Variants in HELZ observed in about 807,000 individuals in gnomAD.
HELZ encodes the protein ATP-dependent RNA helicase with zinc finger domain.
A neutral mutation model predicts 218.2 loss-of-function variants in HELZ; 23 were observed. The ratio of observed to expected loss-of-function variants is 0.11; its 90% CI spans 0.08 to 0.15. The LOEUF (loss-of-function observed/expected upper bound fraction) is 0.15, where lower values mean the gene tolerates loss of function less well. Among genes scored for constraint, HELZ ranks in the 10% least tolerant of loss-of-function variants. The pLI is 1.00. For missense variants in HELZ, 1,813 were observed against 2,353.7 expected (o/e 0.77, Z 4.75); for synonymous variants, 814 against 829.4 (o/e 0.98, Z 0.32).
At chr17:67,127,946 GA>G (rs928415129) in intron 24 of HELZ, among the ~76,000 whole-genome samples, 4 of 151,420 alleles carry the variant, frequency 2.6e-5, no homozygotes, top group Non-Finnish European at 5.9e-5. Flanking sequence ...AAATATCAAA[GA>G]AAAAAAACAG....
At chr17:67,160,428 C>T in intron 16 of HELZ, 66 bp from the exon 17 acceptor site, 2 of 1,107,374 alleles carry the variant, frequency 1.8e-6, no homozygotes, top group South Asian at 1.3e-5. Flanking sequence ...CAGTATAATA[C>T]CAAAAAAAAA....
rs1362802515 is a variant in HELZ, at chr17:67,107,149, GA to G, written c.5241+19del. On this transcript the variant is annotated intron_variant, in intron 31 of 32. Coordinates refer to ENST00000358691, the MANE Select transcript of HELZ (RefSeq NM_014877.4). ...TTTCACAATCAGCTAATAACAAAAG[GA>G]AAATAAGAAGACATTTACCTCTTCT... The G allele has an allele frequency of 1.3e-6, 2 of 1,573,166 alleles. No homozygotes were observed. Among genetic ancestry groups the G allele is most frequent in the Non-Finnish European group, 1.7e-6 (2 of 1,161,210 alleles).
At chr17:67,134,166 C>A (rs568351401) in intron 23 of HELZ, among the ~76,000 whole-genome samples, 1 of 152,226 alleles carries the variant, frequency 6.6e-6, no homozygotes, top group Non-Finnish European at 1.5e-5. Flanking sequence ...GGCAGATTAC[C>A]TGAGGTCCGG....
intron 3 of HELZ, among the ~76,000 whole-genome samples, chr17:67,226,919 T>C (rs1364064020): frequency 1.3e-5 from 2 of 152,182 alleles, no homozygotes; most frequent in Non-Finnish European, 2.9e-5. Flanking sequence ...ATTTATACAA[T>C]CTTATTCTCA....
At chr17:67,193,629 T>C (rs1015056217) in intron 9 of HELZ, among the ~76,000 whole-genome samples, 4 of 152,102 alleles carry the variant, frequency 2.6e-5, no homozygotes, top group African/African-American at 9.7e-5. Flanking sequence ...GGCAGGAGAA[T>C]CACTTAAAGC....
rs999886108 is a variant in HELZ at position 67,187,494 on chromosome 17, T to C, written c.1162+825A>G. Among the ~76,000 whole-genome samples, 6 of 152,352 alleles carry C rather than the reference T, an allele frequency of 3.9e-5. No individual in the cohort carries two copies. The South Asian group carries it at 8.3e-4, about 21-fold the overall frequency. Reference sequence around the variant, plus strand: ...GAGAAAAACTACTTCTAGGTTCTCATGAATGGGACATTATGGTACATAGTA... The same window carrying C: ...GAGAAAAACTACTTCTAGGTTCTCACGAATGGGACATTATGGTACATAGTA... On this transcript the variant is annotated intron_variant, in intron 12 of 32. Coordinates refer to ENST00000358691, the MANE Select transcript of HELZ (RefSeq NM_014877.4).
At chr17:67,104,894 G>A (rs140278103) in intron 31 of HELZ, among the ~76,000 whole-genome samples, 1,605 of 152,222 alleles carry the variant, frequency 0.011, 31 homozygotes, top group African/African-American at 0.036. Flanking sequence ...GGCTGGGGGC[G>A]GATCACCTGA....
chr17:67,134,195 C>A (rs934317951), intron 23 of HELZ, among the ~76,000 whole-genome samples: 3 of 152,096 alleles, frequency 2.0e-5, no homozygotes, highest in Non-Finnish European at 4.4e-5. Flanking sequence ...ACCAGCCTGA[C>A]CAACATGGAG....
At chr17:67,197,268 T>C (rs1372824587) in intron 7 of HELZ, among the ~76,000 whole-genome samples, 2 of 151,588 alleles carry the variant, frequency 1.3e-5, no homozygotes, top group African/African-American at 2.4e-5. Context: ...TCTGCCGCCA[T>C]GTGAGATGTA....
At chr17:67,149,413 T>C (rs1355541554) in intron 19 of HELZ, among the ~76,000 whole-genome samples, 1 of 152,144 alleles carries the variant, frequency 6.6e-6, no homozygotes, top group African/African-American at 2.4e-5. Context: ...TATTCAAATA[T>C]ATAAAATCAC....
chr17:67,196,055 T>C (rs1049403735), intron 7 of HELZ, among the ~76,000 whole-genome samples: 28 of 152,052 alleles, frequency 1.8e-4, no homozygotes, highest in African/African-American at 6.3e-4. Flanking sequence ...TTTCACCATG[T>C]TGGCCAGGCT....
intron 7 of HELZ, among the ~76,000 whole-genome samples, chr17:67,197,131 A>G (rs970592930): frequency 6.6e-6 from 1 of 152,192 alleles, no homozygotes; most frequent in Non-Finnish European, 1.5e-5. Flanking sequence ...GGAGGGACCC[A>G]GTGGGAGATA....
intron 32 of HELZ, among the ~76,000 whole-genome samples, chr17:67,086,401 A>G (rs2036373265): frequency 6.6e-6 from 1 of 151,510 alleles, no homozygotes; most frequent in Non-Finnish European, 1.5e-5. Flanking sequence ...CCTAGCCAAC[A>G]CGGTGAAACC....
Position 67,190,159 on chromosome 17 carries a change from C to T in HELZ, c.754G>A (p.Val252Met). The change falls in exon 10 of 33, where the codon GTG becomes ATG. Residue 252 changes from valine (V) to methionine (M), a missense_variant and splice_region_variant. By Grantham distance (21) the Val-to-Met change is conservative. This residue lies in a region of HELZ where 714 missense variants were observed against 1,029.2 expected (regional missense o/e 0.69). Transcript: ENST00000358691. Reference protein sequence around the residue: ...KWMNSLSPEKVLSECIEGVKV... With the variant: ...KWMNSLSPEKMLSECIEGVKV... ...ATAATGTAGCTTATTTTCCTCACCA[C>T]TTTCTCAGGAGACAATGAATTCATC... is the stretch of plus-strand genomic sequence containing the variant. The T allele has an allele frequency of 6.2e-7, 1 of 1,612,878 alleles. No individual in the cohort carries two copies. Among genetic ancestry groups the T allele is most frequent in the Non-Finnish European group, 8.5e-7 (1 of 1,178,920 alleles).
intron 23 of HELZ, among the ~76,000 whole-genome samples, chr17:67,132,225 T>C (rs2038009310): frequency 6.6e-6 from 1 of 151,850 alleles, no homozygotes; most frequent in South Asian, 2.1e-4. Flanking sequence ...TCACTGTGTG[T>C]GTGTGTGTGT....
chr17:67,127,105 C>T (rs1598280401), intron 24 of HELZ, among the ~76,000 whole-genome samples: 1 of 152,164 alleles, frequency 6.6e-6, no homozygotes, highest in African/African-American at 2.4e-5. Flanking sequence ...CAGTTTTTGA[C>T]ATGTTTCCCC....
chr17:67,180,208 G>A (rs1040036885), intron 12 of HELZ, among the ~76,000 whole-genome samples: 3 of 152,058 alleles, frequency 2.0e-5, no homozygotes, highest in African/African-American at 2.4e-5. Context: ...TTGGGGCTGC[G>A]CACAGTAGCT....
intron 6 of HELZ, 127 bp downstream of exon 6, chr17:67,203,192 A>G: frequency 1.1e-6 from 1 of 893,140 alleles, no homozygotes; most frequent in Admixed American, 2.5e-5. Flanking sequence ...GATACTCATG[A>G]ATTTTGCTTT....
chr17:67,207,744 C>G (rs756251899), intron 5 of HELZ, among the ~76,000 whole-genome samples: 1 of 152,022 alleles, frequency 6.6e-6, no homozygotes, highest in South Asian at 2.1e-4. Context: ...AAATAAAGGC[C>G]GAGCCTATAA....
Sources: gnomAD v4.1 joint callset for allele counts (sites outside exome capture counted in the v4.1 genomes callset) on GRCh38, gnomAD v4.1.1 for gene constraint, gnomAD v4.1.1 regional missense constraint, MANE v1.5 for transcripts, NCBI Gene and HGNC (gene_info 2026-07-23, HGNC 2026-07-21) for gene names.